CDKL3: variants seen among roughly 807,000 people sequenced by gnomAD.
The protein encoded by CDKL3 is cyclin-dependent kinase-like 3.
CDKL3 carries 65 observed loss-of-function variants against 69.3 expected under a neutral mutation model. The observed-to-expected ratio is 0.94, with a 90% CI of 0.77 to 1.15. The LOEUF (loss-of-function observed/expected upper bound fraction) is 1.15. Ranked by LOEUF, CDKL3 falls within the 50% of genes most tolerant of loss-of-function variation. The pLI, the probability that CDKL3 is intolerant of heterozygous loss-of-function variation, is 0.00. For missense variants in CDKL3, 652 were observed against 689.2 expected, an observed-to-expected ratio of 0.95 and a Z score of 0.61; for synonymous variants, 202 against 221.6, an observed-to-expected ratio of 0.91 and a Z score of 0.79.
intron 12 of CDKL3, chr5:134,302,159 A>G (rs2149420366): frequency 2.2e-6 from 1 of 456,422 alleles, no homozygotes; most frequent in South Asian, 1.5e-5. Flanking sequence ...AGCTGAGAGC[A>G]AATATTTGTG....
At chr5:134,340,245 G>A (rs1295073988) in intron 4 of CDKL3, among the ~76,000 whole-genome samples, 4 of 152,104 alleles carry the variant, frequency 2.6e-5, no homozygotes, top group African/African-American at 9.7e-5. Context: ...AGCAGAGAGG[G>A]AAATGTATAG....
intron 3 of CDKL3, among the ~76,000 whole-genome samples, chr5:134,355,593 AATTT>A (rs1357417099): frequency 2.6e-5 from 4 of 152,214 alleles, no homozygotes; most frequent in Admixed American, 2.6e-4. Context: ...TTTGATTATA[AATTT>A]CTTTTATAAA....
intron 4 of CDKL3, among the ~76,000 whole-genome samples, chr5:134,344,948 C>T (rs1351344035): frequency 6.6e-6 from 1 of 152,024 alleles, no homozygotes; most frequent in African/African-American, 2.4e-5. Context: ...GCCTGTAGTC[C>T]CAGCTACTCA....
chr5:134,299,055 G>A (rs1158595173), intron 12 of CDKL3, among the ~76,000 whole-genome samples: 1 of 152,068 alleles, frequency 6.6e-6, no homozygotes, highest in Non-Finnish European at 1.5e-5. Flanking sequence ...TGCATTTTTA[G>A]TAGAGATGGG....
At chr5:134,371,503 G>C (rs1167854849), upstream of CDKL3, 12 of 1,498,254 alleles carry the variant, frequency 8.0e-6, no homozygotes, top group Admixed American at 2.3e-5. Context: ...GGCGGCGGCG[G>C]CGATCCACAG....
downstream of CDKL3, among the ~76,000 whole-genome samples, chr5:134,284,401 C>T (rs1375168681): frequency 6.6e-6 from 1 of 152,084 alleles, no homozygotes; most frequent in East Asian, 1.9e-4. Flanking sequence ...AGATCACATG[C>T]TTGAAAGGGC....
upstream of CDKL3, chr5:134,371,461 T>A (rs1323455654): frequency 9.0e-7 from 1 of 1,116,068 alleles, no homozygotes; most frequent in Non-Finnish European, 1.3e-6. Flanking sequence ...ATTGCAGGGT[T>A]GTTTGTCAGT....
intron 3 of CDKL3, among the ~76,000 whole-genome samples, chr5:134,350,683 A>G (rs1753023179): frequency 6.6e-6 from 1 of 152,148 alleles, no homozygotes; most frequent in Non-Finnish European, 1.5e-5. Context: ...AAGAAAAACC[A>G]AAAGAACTTA....
At chr5:134,296,116 A>G (rs1193510550), downstream of CDKL3, among the ~76,000 whole-genome samples, 3 of 151,850 alleles carry the variant, frequency 2.0e-5, no homozygotes, top group South Asian at 2.1e-4. Context: ...CCAGGATGGT[A>G]TCAATCTCCT....
chr5:134,313,917 C>T (rs1222612232), intron 6 of CDKL3, among the ~76,000 whole-genome samples: 1 of 151,720 alleles, frequency 6.6e-6, no homozygotes, highest in Admixed American at 6.6e-5. Context: ...GAGGGTGGAT[C>T]ACCTGAGGTT....
chr5:134,357,777 T>C (rs1754983778), intron 3 of CDKL3, among the ~76,000 whole-genome samples: 1 of 152,192 alleles, frequency 6.6e-6, no homozygotes, highest in Non-Finnish European at 1.5e-5. Flanking sequence ...CATTGCTACT[T>C]AGTCCAAACC....
chr5:134,354,261 G>A (rs1031267232), intron 3 of CDKL3, among the ~76,000 whole-genome samples: 4 of 152,100 alleles, frequency 2.6e-5, no homozygotes, highest in African/African-American at 4.8e-5. Flanking sequence ...TTAATATCTC[G>A]TGCTCAGTAT....
At chr5:134,283,815 A>G (rs1482936130), downstream of CDKL3, among the ~76,000 whole-genome samples, 1 of 152,132 alleles carries the variant, frequency 6.6e-6, no homozygotes, top group African/African-American at 2.4e-5. Context: ...TGAGCCTATA[A>G]AATCAAAAGC....
At chr5:134,292,404 A>C (rs1765159182) in intron 8 of CDKL3, among the ~76,000 whole-genome samples, 1 of 152,196 alleles carries the variant, frequency 6.6e-6, no homozygotes, top group African/African-American at 2.4e-5. Context: ...AAAGTTGGGA[A>C]ATACTTTCAC....
chr5:134,341,011 A>G (rs1483521575), intron 4 of CDKL3, among the ~76,000 whole-genome samples: 1 of 152,238 alleles, frequency 6.6e-6, no homozygotes, highest in East Asian at 1.9e-4. Context: ...GATTTATTCT[A>G]GGAACACAAG....
chr5:134,305,992 GA>G (rs1221208717), intron 10 of CDKL3, among the ~76,000 whole-genome samples: 1 of 151,892 alleles, frequency 6.6e-6, no homozygotes, highest in Non-Finnish European at 1.5e-5. Flanking sequence ...TTTTGGGAGT[GA>G]AAAAAACAAA....
At chr5:134,358,085 A>G (rs1168730027) in intron 3 of CDKL3, among the ~76,000 whole-genome samples, 1 of 152,160 alleles carries the variant, frequency 6.6e-6, no homozygotes, top group East Asian at 1.9e-4. Flanking sequence ...TCTCAAGAAA[A>G]ACAAAAATAA....
Position 134,298,558 on chromosome 5 carries a change from T to C in CDKL3, c.*93A>G. The C allele has an allele frequency of 1.3e-6, 2 of 1,517,996 alleles. No homozygotes were observed. Among genetic ancestry groups the C allele is most frequent in the South Asian group, 1.4e-5 (1 of 72,962 alleles). 94.0% of individuals were successfully genotyped at this position (1,517,996 alleles called of 1,614,324 possible). A position where few individuals can be genotyped will look rare whatever the true frequency, so the allele number is the denominator to read the frequency against. On this transcript the variant is annotated 3_prime_UTR_variant, in exon 13 of 13. Transcript: ENST00000265334. Reference sequence around the variant, plus strand: ...ATGCTCATGCACATGGATGGCTGTCTTAACAACAACTCACATCACACTTCT... The same window carrying C: ...ATGCTCATGCACATGGATGGCTGTCCTAACAACAACTCACATCACACTTCT...
At chr5:134,366,929 A>G in intron 1 of CDKL3, 48 bp downstream of exon 1, 1 of 992,282 alleles carries the variant, frequency 1.0e-6, no homozygotes, top group Non-Finnish European at 1.2e-6. Context: ...TCCTAAAAAA[A>G]GCCTGGTCTC....
Sources: allele counts gnomAD v4.1 joint callset (sites outside exome capture counted in the v4.1 genomes callset), GRCh38; gene constraint gnomAD v4.1.1; transcripts MANE v1.5; gene names NCBI Gene and HGNC (gene_info 2026-07-23, HGNC 2026-07-21).